The following RANBP2 variants were observed in gnomAD, a reference collection of about 807,000 sequenced individuals.
RANBP2 encodes the protein E3 SUMO-protein ligase RanBP2.
RANBP2 carries 57 observed loss-of-function variants against 303.6 expected under a neutral mutation model. That is an observed-to-expected ratio of 0.19 (90% CI 0.15 to 0.23). The LOEUF (loss-of-function observed/expected upper bound fraction) is 0.23, where lower values mean the gene tolerates loss of function less well. Ranked by LOEUF, RANBP2 falls within the 10% of genes least tolerant of loss-of-function variation. The probability of loss-of-function intolerance (pLI) is 1.00; values close to 1 mark genes in which losing one functional copy is unlikely to be tolerated. For synonymous variants in RANBP2, 1,167 were observed against 1,301.5 expected, an observed-to-expected ratio of 0.90 and a Z score of 2.23; for missense variants, 3,138 against 3,780.8, an observed-to-expected ratio of 0.83 and a Z score of 4.46.
chr2:108,763,598 C>T lies in RANBP2; in HGVS notation c.3059C>T (p.Pro1020Leu). 1 of 1,614,040 alleles carries T rather than the reference C, an allele frequency of 6.2e-7. No homozygotes were observed. The highest frequency in any genetic ancestry group is 8.5e-7 in the Non-Finnish European group (1 of 1,179,988). Residue 1020 changes from proline to leucine, a missense_variant, in exon 20 of 29, where the codon CCA becomes CTA. By Grantham distance (98) the Pro-to-Leu change is moderately conservative. This residue lies in a region of RANBP2 where 403 missense variants were observed against 376.7 expected (regional missense o/e 1.07). Coordinates refer to ENST00000283195, the MANE Select transcript of RANBP2 (RefSeq NM_006267.5). ...MPGEGLRPSL[P>L]TQAHTTQPTP... ...GGTGAAGGATTAAGGCCATCTTTGC[C>T]AACACAAGCACACACAACACAGCCA...
At chr2:109,675,586 G>C in the RANBP2 span, among the ~76,000 whole-genome samples, 1 of 152,132 alleles carries the variant, frequency 6.6e-6, no homozygotes, top group Non-Finnish European at 1.5e-5. Context: ...GGAGGCTGAG[G>C]CAGGAGAATC....
At chr2:109,022,856 G>A in the RANBP2 span, among the ~76,000 whole-genome samples, 1 of 152,068 alleles carries the variant, frequency 6.6e-6, no homozygotes, top group African/African-American at 2.4e-5. Flanking sequence ...TTTGAGACCA[G>A]CCTGACCAAT....
At chr2:108,960,000 AGTCAAT>A in the RANBP2 span, among the ~76,000 whole-genome samples, 4 of 152,164 alleles carry the variant, frequency 2.6e-5, no homozygotes, top group Non-Finnish European at 5.9e-5. Context: ...GCAGCCACTC[AGTCAAT>A]GTCATGATGC....
At chr2:109,457,754 T>C in the RANBP2 span, among the ~76,000 whole-genome samples, 2 of 152,230 alleles carry the variant, frequency 1.3e-5, no homozygotes, top group Non-Finnish European at 2.9e-5. Flanking sequence ...TGGGATTTTT[T>C]TCCAGCCGTC....
At chr2:108,903,130 A>G in the RANBP2 span, among the ~76,000 whole-genome samples, 1 of 152,228 alleles carries the variant, frequency 6.6e-6, no homozygotes, top group Admixed American at 6.5e-5. Flanking sequence ...CTGAATTTAA[A>G]TTGTCGTTTA....
chr2:109,412,058 G>A, the RANBP2 span, among the ~76,000 whole-genome samples: 17 of 152,310 alleles, frequency 1.1e-4, no homozygotes, highest in East Asian at 2.7e-3. Flanking sequence ...GCCCTCCCGA[G>A]CCTCCTGACA....
chr2:109,473,718 C>T, the RANBP2 span, among the ~76,000 whole-genome samples: 1 of 90,040 alleles, frequency 1.1e-5, no homozygotes, highest in Non-Finnish European at 2.2e-5. Flanking sequence ...CACTCAGCCA[C>T]CCACCCACCC....
the RANBP2 span, among the ~76,000 whole-genome samples, chr2:109,641,401 G>GT: frequency 1.3e-5 from 2 of 152,190 alleles, no homozygotes; most frequent in African/African-American, 4.8e-5. Context: ...ACAATGGAAT[G>GT]TTATTCAGCC....
the RANBP2 span, chr2:108,791,722 CAGA>C: frequency 2.9e-5 from 47 of 1,606,512 alleles, 1 homozygote; most frequent in South Asian, 3.0e-4. Context: ...AAACAGGAAA[CAGA>C]AGAAGAGTTA....
At chr2:108,780,256 G>T (rs968120114) in intron 25 of RANBP2, among the ~76,000 whole-genome samples, 43 of 142,442 alleles carry the variant, frequency 3.0e-4, no homozygotes, top group African/African-American at 1.1e-3. Context: ...ACAATGGCAC[G>T]ATCTCTGCTC....
the RANBP2 span, among the ~76,000 whole-genome samples, chr2:108,905,744 G>A: frequency 0.84 from 128,324 of 152,134 alleles, 54,251 homozygotes; most frequent in East Asian, 0.97. Flanking sequence ...TGGAAGCTGA[G>A]GATTATGATT....
At chr2:109,312,040 T>A in the RANBP2 span, among the ~76,000 whole-genome samples, 6 of 150,018 alleles carry the variant, frequency 4.0e-5, no homozygotes, top group Admixed American at 2.7e-4. Context: ...TTGTGGCCGG[T>A]GTAGCAGTCA....
the RANBP2 span, among the ~76,000 whole-genome samples, chr2:109,206,514 A>AAAAAAAAC: frequency 6.7e-6 from 1 of 149,784 alleles, no homozygotes; most frequent in African/African-American, 2.5e-5. Flanking sequence ...AAAAAAAAAA[A>AAAAAAAAC]AGAATTAGAG....
the RANBP2 span, among the ~76,000 whole-genome samples, chr2:109,068,840 A>C: frequency 6.6e-6 from 1 of 152,216 alleles, no homozygotes; most frequent in African/African-American, 2.4e-5. Context: ...GATATGTCAA[A>C]ATGCTTGTAA....
At chr2:109,606,228 A>C in the RANBP2 span, among the ~76,000 whole-genome samples, 1 of 152,174 alleles carries the variant, frequency 6.6e-6, no homozygotes, top group South Asian at 2.1e-4. Flanking sequence ...CACCCTGGCC[A>C]ACATGGTGAA....
chr2:109,399,020 C>T, the RANBP2 span: 17 of 1,416,348 alleles, frequency 1.2e-5, no homozygotes, highest in Admixed American at 1.4e-4. Context: ...CAGTGTCCCC[C>T]GTTCCTCAAC....
At chr2:109,554,456 T>C in the RANBP2 span, among the ~76,000 whole-genome samples, 1 of 152,140 alleles carries the variant, frequency 6.6e-6, no homozygotes, top group Admixed American at 6.5e-5. Flanking sequence ...GAGCCTATCC[T>C]GGAAGCTAAG....
the RANBP2 span, among the ~76,000 whole-genome samples, chr2:109,644,158 T>G: frequency 6.7e-6 from 1 of 149,924 alleles, no homozygotes; most frequent in East Asian, 2.0e-4. Flanking sequence ...AACTAAAAAC[T>G]TAGCCAGGCG....
the RANBP2 span, among the ~76,000 whole-genome samples, chr2:109,013,595 CT>C: frequency 0.013 from 1,862 of 144,378 alleles, 28 homozygotes; most frequent in African/African-American, 0.033. Context: ...TCTTTCCAAT[CT>C]TTTTTTTTTT....
Sources: gnomAD v4.1 joint callset for allele counts (sites outside exome capture counted in the v4.1 genomes callset) on GRCh38, gnomAD v4.1.1 for gene constraint, gnomAD v4.1.1 regional missense constraint, MANE v1.5 for transcripts, NCBI Gene and HGNC (gene_info 2026-07-23, HGNC 2026-07-21) for gene names.